Variants in DNAJC1 observed in about 807,000 individuals in gnomAD.
The protein encoded by DNAJC1 is DnaJ heat shock protein family (Hsp40) member C1.
In DNAJC1, 58 loss-of-function variants were observed where a neutral mutation model predicts 76.6. The observed-to-expected ratio is 0.76, with a 90% confidence interval of 0.61 to 0.94. DNAJC1 has a LOEUF of 0.94. DNAJC1 is among the 40% of genes least tolerant of loss of function. The pLI, the probability that DNAJC1 is intolerant of heterozygous loss-of-function variation, is 0.00. For missense variants in DNAJC1, 689 were observed against 677.3 expected (o/e 1.02, Z -0.19); for synonymous variants, 258 against 267.9 (o/e 0.96, Z 0.36).
chr10:21,801,711 A>C (rs1834816739), intron 9 of DNAJC1, among the ~76,000 whole-genome samples: 1 of 152,182 alleles, frequency 6.6e-6, no homozygotes, highest in Admixed American at 6.6e-5. Context: ...AGCACTATTC[A>C]CAACAGCAAA....
intron 8 of DNAJC1, among the ~76,000 whole-genome samples, chr10:21,843,056 T>C (rs1027873824): frequency 6.6e-6 from 1 of 152,136 alleles, no homozygotes; most frequent in African/African-American, 2.4e-5. Flanking sequence ...TAGGATGGTG[T>C]GCATATATTA....
At chr10:21,982,699 C>T (rs1248028171) in intron 1 of DNAJC1, among the ~76,000 whole-genome samples, 2 of 150,800 alleles carry the variant, frequency 1.3e-5, no homozygotes. Flanking sequence ...TACCTCTCAC[C>T]TATTAGGATA....
At chr10:21,956,778 A>T (rs1469597089) in intron 1 of DNAJC1, among the ~76,000 whole-genome samples, 1 of 151,468 alleles carries the variant, frequency 6.6e-6, no homozygotes, top group Non-Finnish European at 1.5e-5. Context: ...AGATTAAAAC[A>T]AAAAACAGAT....
chr10:21,954,785 C>A (rs1837652916), intron 1 of DNAJC1, among the ~76,000 whole-genome samples: 1 of 152,136 alleles, frequency 6.6e-6, no homozygotes, highest in Non-Finnish European at 1.5e-5. Flanking sequence ...AGCCTCTCAA[C>A]AACCCTGTAA....
At chr10:21,877,222 C>A (rs763019561) in intron 8 of DNAJC1, among the ~76,000 whole-genome samples, 1 of 151,918 alleles carries the variant, frequency 6.6e-6, no homozygotes, top group South Asian at 2.1e-4. Flanking sequence ...TGCAGGGAGC[C>A]GTGATTGCAT....
At position 22,003,200 on chromosome 10, in the gene DNAJC1, C is replaced by G; in HGVS notation, c.222+13G>C. 1 of 1,539,396 alleles carries G rather than the reference C, an allele frequency of 6.5e-7. No individual in the cohort carries two copies. Among genetic ancestry groups the G allele is most frequent in the Non-Finnish European group, 8.7e-7 (1 of 1,143,600 alleles). On this transcript the variant is annotated intron_variant, in intron 1 of 11. Coordinates refer to ENST00000376980, the MANE Select transcript of DNAJC1 (RefSeq NM_022365.4). ...GCCCCTCTCCGCCCGGCCCCGCGCGCCTCCTTGCTTACCTGCTGCACCCCG... is the reference window on the plus strand; with the variant it reads ...GCCCCTCTCCGCCCGGCCCCGCGCGGCTCCTTGCTTACCTGCTGCACCCCG...
At chr10:21,952,052 A>G (rs1302585737) in intron 1 of DNAJC1, among the ~76,000 whole-genome samples, 1 of 152,212 alleles carries the variant, frequency 6.6e-6, no homozygotes, top group Non-Finnish European at 1.5e-5. Context: ...ATGAATTTAG[A>G]CCATATTTGC....
intron 8 of DNAJC1, among the ~76,000 whole-genome samples, chr10:21,835,994 T>C (rs975981971): frequency 1.3e-5 from 2 of 152,048 alleles, no homozygotes; most frequent in Non-Finnish European, 1.5e-5. Context: ...AGATACTCCT[T>C]GAGAAGACCA....
At chr10:21,839,066 C>G (rs1030075636) in intron 8 of DNAJC1, among the ~76,000 whole-genome samples, 8 of 152,182 alleles carry the variant, frequency 5.3e-5, no homozygotes, top group African/African-American at 1.9e-4. Flanking sequence ...AACAAAGACT[C>G]AACATACCAG....
chr10:21,960,351 C>T (rs555606549), intron 1 of DNAJC1, among the ~76,000 whole-genome samples: 4 of 152,170 alleles, frequency 2.6e-5, no homozygotes, highest in African/African-American at 9.6e-5. Flanking sequence ...AATACAAAAA[C>T]AGGCAGTAAT....
intron 8 of DNAJC1, among the ~76,000 whole-genome samples, chr10:21,828,358 C>T (rs888635160): frequency 6.6e-5 from 10 of 152,172 alleles, no homozygotes; most frequent in Non-Finnish European, 1.2e-4. Flanking sequence ...AAATGAGTAA[C>T]CATTTACAAG....
intron 4 of DNAJC1, 199 bp downstream of exon 4, chr10:21,920,599 C>G: frequency 2.3e-6 from 1 of 436,758 alleles, no homozygotes. Flanking sequence ...ACTTAAGTGC[C>G]ACATTTTTTA....
At chr10:21,829,838 C>T (rs1198806450) in intron 8 of DNAJC1, among the ~76,000 whole-genome samples, 1 of 151,986 alleles carries the variant, frequency 6.6e-6, no homozygotes, top group Non-Finnish European at 1.5e-5. Context: ...TGCCATTTAC[C>T]ATGTGCTTTC....
At chr10:21,932,192 T>G (rs1837239071) in intron 1 of DNAJC1, among the ~76,000 whole-genome samples, 1 of 151,724 alleles carries the variant, frequency 6.6e-6, no homozygotes, top group South Asian at 2.1e-4. Flanking sequence ...ATTGTTTAAT[T>G]AGCTGGGTGT....
At chr10:21,798,846 T>C (rs1206035125) in intron 9 of DNAJC1, among the ~76,000 whole-genome samples, 1 of 152,200 alleles carries the variant, frequency 6.6e-6, no homozygotes, top group African/African-American at 2.4e-5. Flanking sequence ...CATATTAGTA[T>C]TCTAGCTCAG....
At chr10:21,945,364 C>T (rs995233369) in intron 1 of DNAJC1, among the ~76,000 whole-genome samples, 7 of 152,128 alleles carry the variant, frequency 4.6e-5, no homozygotes, top group East Asian at 3.9e-4. Flanking sequence ...GAAAAAGATA[C>T]GTGGCTGAGA....
In DNAJC1 at chr10:21,882,304, C is replaced by A. The variant is rs1364598804; in HGVS notation, c.956G>T (p.Arg319Met). 1 of 1,596,102 alleles carries A rather than the reference C, an allele frequency of 6.3e-7. No individual in the cohort carries two copies. Among genetic ancestry groups the A allele is most frequent in the East Asian group, 2.3e-5 (1 of 44,300 alleles). The change falls in exon 8 of 12, where the codon AGG (arginine) becomes ATG (methionine). Residue 319 changes from arginine (R) to methionine (M), a missense_variant. Arg to Met is a moderately conservative substitution (Grantham distance 91). Transcript: ENST00000376980. Reference sequence around the variant, plus strand: ...TACCTGTTTTTTCTGTGTTCGGTTCCTGTTTTCCAACCAATCATCCATTTG... The same window carrying A: ...TACCTGTTTTTTCTGTGTTCGGTTCATGTTTTCCAACCAATCATCCATTTG... ...EEQMDDWLEN[R>M]NRTQKKQAPE...
intron 1 of DNAJC1, among the ~76,000 whole-genome samples, chr10:21,958,725 C>T (rs1392027574): frequency 1.1e-4 from 16 of 151,924 alleles, no homozygotes; most frequent in Admixed American, 1.0e-3. Flanking sequence ...CGCGCCTGGC[C>T]CAGATTTGCC....
intron 9 of DNAJC1, chr10:21,785,656 C>T (rs1337503777): frequency 6.6e-6 from 1 of 152,184 alleles, no homozygotes; most frequent in African/African-American, 2.4e-5. Context: ...GAATGCTCTC[C>T]CTGCCCTCCT....
Sources: allele counts gnomAD v4.1 joint callset (sites outside exome capture counted in the v4.1 genomes callset), GRCh38; gene constraint gnomAD v4.1.1; transcripts MANE v1.5; gene names NCBI Gene and HGNC (gene_info 2026-07-23, HGNC 2026-07-21).